RASAL2: variants seen among roughly 807,000 people sequenced by gnomAD.
RASAL2 encodes the protein RAS protein activator like 2.
RASAL2 carries 58 observed loss-of-function variants against 128.9 expected under a neutral mutation model. The ratio of observed to expected loss-of-function variants is 0.45; its 90% CI spans 0.36 to 0.56. The LOEUF (loss-of-function observed/expected upper bound fraction) is 0.56. Ranked by LOEUF, RASAL2 falls within the 20% of genes least tolerant of loss-of-function variation. RASAL2 has a pLI of 0.00. For missense variants in RASAL2, 1,360 were observed against 1,601.6 expected (o/e 0.85, Z 2.57); for synonymous variants, 561 against 580.8 (o/e 0.97, Z 0.49).
intron 1 of RASAL2, among the ~76,000 whole-genome samples, chr1:178,158,670 T>C (rs1350275911): frequency 1.3e-5 from 2 of 152,252 alleles, no homozygotes; most frequent in Non-Finnish European, 2.9e-5. Flanking sequence ...GAATCGTTAG[T>C]ATCATGGCAG....
Position 178,094,362 on chromosome 1 carries a change from G to A in RASAL2, c.-131G>A, listed in dbSNP as rs1658583509. 10 of 847,056 alleles carry A rather than the reference G, an allele frequency of 1.2e-5. No individual in the cohort carries two copies. In the South Asian group the frequency reaches 1.7e-4, roughly 14 times the overall value. The allele number at this position is 847,056 out of a possible 1,614,324, so 52.5% of individuals were successfully genotyped here. A position where few individuals can be genotyped will look rare whatever the true frequency, so the allele number is the denominator to read the frequency against. On this transcript the variant is annotated 5_prime_UTR_variant, in exon 1 of 18. Coordinates refer to ENST00000367649, the MANE Select transcript of RASAL2 (RefSeq NM_170692.4). ...ACGGGGAAGGAGGTGAGAGGTGTCC[G>A]CGCCGGCTGCCGCTCGGGTCCCTGC...
chr1:178,256,193 T>A (rs974368001), intron 1 of RASAL2, among the ~76,000 whole-genome samples: 3 of 152,214 alleles, frequency 2.0e-5, no homozygotes, highest in African/African-American at 7.2e-5. Context: ...GAATGCTAGG[T>A]TGTTTGAACA....
At chr1:178,197,718 A>G (rs189105718) in intron 1 of RASAL2, among the ~76,000 whole-genome samples, 51 of 152,042 alleles carry the variant, frequency 3.4e-4, no homozygotes, top group Non-Finnish European at 3.4e-4. Flanking sequence ...AAATTATTAT[A>G]CTTTAAGTTC....
chr1:178,408,709 G>T (rs1029174593), intron 4 of RASAL2, among the ~76,000 whole-genome samples: 1 of 151,530 alleles, frequency 6.6e-6, no homozygotes, highest in Admixed American at 6.6e-5. Flanking sequence ...CTATAATAAG[G>T]TATGTGTAGA....
intron 3 of RASAL2, chr1:178,341,640 A>G: frequency 6.2e-7 from 1 of 1,613,788 alleles, no homozygotes. Context: ...GACCGAAATG[A>G]AAAGTCACGT....
chr1:178,161,257 C>G (rs1241013341), intron 1 of RASAL2, among the ~76,000 whole-genome samples: 3 of 152,170 alleles, frequency 2.0e-5, no homozygotes, highest in Non-Finnish European at 4.4e-5. Flanking sequence ...AGGGAAACCC[C>G]TTATGCATTG....
intron 3 of RASAL2, among the ~76,000 whole-genome samples, chr1:178,375,701 C>T (rs1457522613): frequency 6.6e-6 from 1 of 152,036 alleles, no homozygotes; most frequent in African/African-American, 2.4e-5. Context: ...AATGTATCAG[C>T]AGAATTGGTG....
intron 3 of RASAL2, among the ~76,000 whole-genome samples, chr1:178,309,996 A>G (rs1668161845): frequency 6.6e-6 from 1 of 152,200 alleles, no homozygotes; most frequent in Non-Finnish European, 1.5e-5. Context: ...AACATCTTGT[A>G]TATTCAACAT....
intron 1 of RASAL2, among the ~76,000 whole-genome samples, chr1:178,145,486 T>C (rs1026023511): frequency 2.0e-5 from 3 of 147,252 alleles, no homozygotes; most frequent in African/African-American, 7.6e-5. Context: ...AGAGTTATGT[T>C]TGAAAAGGCT....
intron 3 of RASAL2, among the ~76,000 whole-genome samples, chr1:178,309,741 C>T (rs562135522): frequency 2.6e-5 from 4 of 151,968 alleles, no homozygotes; most frequent in African/African-American, 9.7e-5. Context: ...CAGTAACACA[C>T]AAAAAAGTGA....
At chr1:178,283,931 G>T (rs1160665019) in intron 2 of RASAL2, among the ~76,000 whole-genome samples, 1 of 152,176 alleles carries the variant, frequency 6.6e-6, no homozygotes, top group African/African-American at 2.4e-5. Context: ...GAGTTAAACT[G>T]AGGAGTTTGG....
chr1:178,174,272 A>G (rs913734508), intron 1 of RASAL2, among the ~76,000 whole-genome samples: 10 of 152,160 alleles, frequency 6.6e-5, no homozygotes, highest in Admixed American at 1.3e-4. Flanking sequence ...AGAATACTAT[A>G]TCTGTGTCCC....
chr1:178,228,394 AG>A (rs1663869231), intron 1 of RASAL2, among the ~76,000 whole-genome samples: 6 of 152,050 alleles, frequency 3.9e-5, no homozygotes, highest in Admixed American at 3.9e-4. Flanking sequence ...AGCCTGGCCA[AG>A]ATGGTGAAAC....
At chr1:178,470,060 G>A (rs1648115778) in intron 17 of RASAL2, among the ~76,000 whole-genome samples, 1 of 152,226 alleles carries the variant, frequency 6.6e-6, no homozygotes, top group Non-Finnish European at 1.5e-5. Context: ...TATAGCAAAT[G>A]ACTTTAAACA....
chr1:178,291,991 G>A (rs1054988638), intron 2 of RASAL2, among the ~76,000 whole-genome samples: 4 of 134,184 alleles, frequency 3.0e-5, no homozygotes, highest in Non-Finnish European at 4.5e-5. Flanking sequence ...AGTTGAGATC[G>A]CACCATTGCA....
chr1:178,136,575 G>A (rs1291596612), intron 1 of RASAL2, among the ~76,000 whole-genome samples: 4 of 151,700 alleles, frequency 2.6e-5, no homozygotes, highest in Non-Finnish European at 5.9e-5. Flanking sequence ...GGCCAACATG[G>A]TGAAACCCTG....
At chr1:178,132,766 A>ATT (rs35326037) in intron 1 of RASAL2, among the ~76,000 whole-genome samples, 28 of 130,062 alleles carry the variant, frequency 2.2e-4, no homozygotes, top group South Asian at 1.2e-3. Flanking sequence ...ACAATTCAGA[A>ATT]TTTTTTTTTT....
intron 2 of RASAL2, among the ~76,000 whole-genome samples, chr1:178,285,314 G>A (rs1433143816): frequency 6.6e-6 from 1 of 150,792 alleles, no homozygotes; most frequent in Non-Finnish European, 1.5e-5. Flanking sequence ...TAGAGACGGG[G>A]TTTCACCTTG....
chr1:178,152,639 T>C (rs997050892), intron 1 of RASAL2, among the ~76,000 whole-genome samples: 1 of 151,990 alleles, frequency 6.6e-6, no homozygotes, highest in East Asian at 1.9e-4. Context: ...CACTCTAGCC[T>C]GGCAACAGAG....
Sources: gnomAD v4.1 joint callset for allele counts (sites outside exome capture counted in the v4.1 genomes callset) on GRCh38, gnomAD v4.1.1 for gene constraint, MANE v1.5 for transcripts, NCBI Gene and HGNC (gene_info 2026-07-23, HGNC 2026-07-21) for gene names.